The following CD1B variants were observed in gnomAD, a reference collection of about 807,000 sequenced individuals.
CD1B encodes CD1b molecule, also known as T-cell surface glycoprotein CD1b.
CD1B carries 43 observed loss-of-function variants against 39.8 expected under a neutral mutation model. The observed-to-expected ratio is 1.08, with a 90% CI of 0.85 to 1.39. The LOEUF (loss-of-function observed/expected upper bound fraction) is 1.39, where lower values mean the gene tolerates loss of function less well. CD1B is among the 40% of genes most tolerant of loss of function. The pLI, the probability that CD1B is intolerant of heterozygous loss-of-function variation, is 0.00. For missense variants in CD1B, 495 were observed against 403.8 expected, an observed-to-expected ratio of 1.23 and a Z score of -1.94; for synonymous variants, 192 against 152.5, an observed-to-expected ratio of 1.26 and a Z score of -1.91.
At chr1:158,304,595 T>A in the CD1B span, among the ~76,000 whole-genome samples, 1 of 152,074 alleles carries the variant, frequency 6.6e-6, no homozygotes, top group Non-Finnish European at 1.5e-5. Context: ...GAGTAGTGGT[T>A]CTCCCAGCAT....
Position 158,328,201 on chromosome 1 carries a change from C to T in CD1B, c.*35G>A, listed in dbSNP as rs1278364237. ...GGCTGATATCTTGGGCTTCTTGGTA[C>T]TTATTGCGAATGGGAGAGGAGACAT... On this transcript the variant is annotated 3_prime_UTR_variant, in exon 6 of 6. Coordinates refer to ENST00000368168, the MANE Select transcript of CD1B (RefSeq NM_001764.3). 3 of 1,575,296 alleles carry T rather than the reference C, an allele frequency of 1.9e-6. No individual in the cohort carries two copies. The highest frequency in any genetic ancestry group is 1.1e-5 in the South Asian group (1 of 89,000).
chr1:158,295,225 G>A, the CD1B span, among the ~76,000 whole-genome samples: 43 of 152,196 alleles, frequency 2.8e-4, no homozygotes, highest in Non-Finnish European at 4.4e-5. Flanking sequence ...ACTCTGAGAA[G>A]ATCATTGGAA....
rs374844097 is a variant in CD1B at position 158,329,992 on chromosome 1, C to T, written c.467G>A (p.Gly156Asp). ...NASCVPSPEG[G>D]SRAQKFCALI... ...TGCACAGAATTTCTGTGCCCTGCTG[C>T]CACCTTCTGGGGAAGGCACACATGA... is the stretch of plus-strand genomic sequence containing the variant. Residue 156 changes from glycine (G) to aspartate (D), a missense_variant, in exon 3 of 6, where the codon GGC becomes GAC. Physicochemically the swap from Gly to Asp is moderately conservative, Grantham distance 94 (BLOSUM62 -1). Coordinates refer to ENST00000368168, the MANE Select transcript of CD1B (RefSeq NM_001764.3). The T allele has an allele frequency of 9.9e-6, 16 of 1,614,094 alleles. No homozygotes were observed. In the South Asian group the frequency reaches 1.2e-4, roughly 12 times the overall value.
the CD1B span, among the ~76,000 whole-genome samples, chr1:158,320,963 A>G: frequency 1.1e-4 from 17 of 152,332 alleles, no homozygotes; most frequent in Non-Finnish European, 1.8e-4. Context: ...TGTACTGTGG[A>G]GAAGAATGTA....
the CD1B span, among the ~76,000 whole-genome samples, chr1:158,314,296 G>T: frequency 6.6e-6 from 1 of 152,120 alleles, no homozygotes; most frequent in Non-Finnish European, 1.5e-5. Context: ...TGTTGCTCAG[G>T]CTGGTGTTGA....
the CD1B span, among the ~76,000 whole-genome samples, chr1:158,300,971 G>C: frequency 5.9e-5 from 9 of 151,726 alleles, no homozygotes; most frequent in Admixed American, 5.9e-4. Context: ...TATTAGCCAG[G>C]ATGGTCTCAA....
In CD1B at chr1:158,329,099, A is replaced by G; in HGVS notation, c.887-85T>C. 5.2e-6 allele frequency: 6 copies of G among 1,144,792 alleles called. No individual in the cohort carries two copies. The South Asian group carries it at 7.1e-5, about 14-fold the overall frequency. The allele number at this position is 1,144,792 out of a possible 1,614,324, so 70.9% of individuals were successfully genotyped here. A position where few individuals can be genotyped will look rare whatever the true frequency, so the allele number is the denominator to read the frequency against. On this transcript the variant is annotated intron_variant, in intron 4 of 5. Coordinates refer to ENST00000368168, the MANE Select transcript of CD1B (RefSeq NM_001764.3). ...GCCTTCCTTTGCCCACCTACTTCCA[A>G]TGTATGGTCATTTCCAACTTCCTCT...
the CD1B span, among the ~76,000 whole-genome samples, chr1:158,319,474 C>T: frequency 2.0e-4 from 30 of 152,344 alleles, no homozygotes; most frequent in East Asian, 4.2e-3. Context: ...GAGGCTTCTG[C>T]ATTCTTCACG....
chr1:158,314,417 G>A, the CD1B span, among the ~76,000 whole-genome samples: 1 of 152,004 alleles, frequency 6.6e-6, no homozygotes. Flanking sequence ...AGTCTTCTTT[G>A]TTATTCTTTT....
intron 2 of CD1B, 69 bp downstream of exon 2, chr1:158,330,727 C>A: frequency 6.8e-7 from 1 of 1,475,468 alleles, no homozygotes; most frequent in Non-Finnish European, 9.5e-7. Context: ...TCAGAGAGAG[C>A]AACACTTTGC....
the CD1B span, among the ~76,000 whole-genome samples, chr1:158,322,377 C>T: frequency 0.012 from 1,779 of 151,844 alleles, 34 homozygotes; most frequent in African/African-American, 0.041. Flanking sequence ...GCTGGGACTA[C>T]AGACACAAGC....
chr1:158,308,368 G>T, the CD1B span, among the ~76,000 whole-genome samples: 26 of 152,132 alleles, frequency 1.7e-4, no homozygotes, highest in Admixed American at 8.5e-4. Flanking sequence ...CATGCTCATG[G>T]GTAGGAAGAA....
At chr1:158,311,889 G>C in the CD1B span, among the ~76,000 whole-genome samples, 2 of 152,074 alleles carry the variant, frequency 1.3e-5, no homozygotes, top group Non-Finnish European at 2.9e-5. Context: ...TGCTGTTTTG[G>C]TTACTATAGT....
rs150676728 is a variant in CD1B, at chr1:158,330,839, G to C, written c.285C>G (p.Phe95Leu). 1 of 1,613,926 alleles carries C rather than the reference G, an allele frequency of 6.2e-7. No individual in the cohort carries two copies. The highest frequency in any genetic ancestry group is 8.5e-7 in the Non-Finnish European group (1 of 1,179,966). Reference sequence around the variant, plus strand: ...CGGCAAAGTCTTGTACTTCTCGAGCGAATCCAAAGATGTAGACTCGGAATA... The same window carrying C: ...CGGCAAAGTCTTGTACTTCTCGAGCCAATCCAAAGATGTAGACTCGGAATA... ...EEIFRVYIFG[F>L]AREVQDFAGD... Residue 95 changes from phenylalanine (F) to leucine (L), a missense_variant, in exon 2 of 6, where the codon TTC becomes TTG. Transcript: ENST00000368168.
Position 158,330,949 on chromosome 1 carries a change from C to G in CD1B, c.175G>C (p.Asp59His), listed in dbSNP as rs777687253. 2.5e-6 allele frequency: 4 copies of G among 1,614,126 alleles called. No individual in the cohort carries two copies. Among genetic ancestry groups the G allele is most frequent in the Non-Finnish European group, 3.4e-6 (4 of 1,180,002 alleles). ...AATATGGCAGTGCCTGAGTCGCTAT[C>G]CCAGCCATGAATCTGCAAATCATCC... The part of the protein sequence containing the change: ...WLDDLQIHGW[D>H]SDSGTAIFLK... The change falls in exon 2 of 6, where the codon GAT (aspartate) becomes CAT (histidine). Residue 59 changes from aspartate (D) to histidine (H), a missense_variant. Transcript: ENST00000368168.
At chr1:158,326,194 A>G (rs113700424), downstream of CD1B, among the ~76,000 whole-genome samples, 7,567 of 152,104 alleles carry the variant, frequency 0.05, 594 homozygotes, top group African/African-American at 0.17. Context: ...GGATGGTCTC[A>G]ATCAACTGAC....
chr1:158,321,695 T>C, the CD1B span, among the ~76,000 whole-genome samples: 2 of 152,352 alleles, frequency 1.3e-5, no homozygotes, highest in African/African-American at 4.8e-5. Context: ...TTTTACTTTG[T>C]GGTTATCATG....
the CD1B span, among the ~76,000 whole-genome samples, chr1:158,299,609 C>G: frequency 3.9e-4 from 60 of 152,294 alleles, no homozygotes; most frequent in African/African-American, 1.4e-3. Flanking sequence ...GTGAATCCAT[C>G]TGGTCCTGGA....
At chr1:158,320,921 T>G in the CD1B span, among the ~76,000 whole-genome samples, 2 of 152,218 alleles carry the variant, frequency 1.3e-5, no homozygotes, top group South Asian at 4.1e-4. Context: ...TTATTGCAGC[T>G]TAACATAAGA....
Sources: gnomAD v4.1 joint callset for allele counts (sites outside exome capture counted in the v4.1 genomes callset) on GRCh38, gnomAD v4.1.1 for gene constraint, MANE v1.5 for transcripts, NCBI Gene and HGNC (gene_info 2026-07-23, HGNC 2026-07-21) for gene names.